Variants in GLDC observed in about 807,000 individuals in gnomAD.
GLDC encodes glycine dehydrogenase (decarboxylating), mitochondrial.
In GLDC, 104 loss-of-function variants were observed where a neutral mutation model predicts 121.3. The observed-to-expected ratio is 0.86, with a 90% CI of 0.73 to 1.01. The LOEUF is 1.01. Among genes scored for constraint, GLDC ranks in the 50% least tolerant of loss-of-function variants. GLDC has a pLI of 0.00. For missense variants in GLDC, 1,429 were observed against 1,306.6 expected (o/e 1.09, Z -1.44); for synonymous variants, 546 against 480.6 (o/e 1.14, Z -1.78).
At chr9:6,558,502 T>C (rs10975643) in intron 17 of GLDC, 57 bp downstream of exon 17, 49 of 1,595,806 alleles carry the variant, frequency 3.1e-5, no homozygotes, top group Non-Finnish European at 4.2e-5. Flanking sequence ...AAGTCCCTGA[T>C]CCCCACCAGC....
intron 2 of GLDC, among the ~76,000 whole-genome samples, chr9:6,631,191 A>G (rs533223119): frequency 6.6e-6 from 1 of 152,066 alleles, no homozygotes; most frequent in Non-Finnish European, 1.5e-5. Context: ...TTGCTCAGCC[A>G]ATTAATACCA....
At chr9:6,551,432 A>G (rs1049279841) in intron 20 of GLDC, among the ~76,000 whole-genome samples, 1 of 152,210 alleles carries the variant, frequency 6.6e-6, no homozygotes, top group Non-Finnish European at 1.5e-5. Context: ...CATAAGGGAT[A>G]CACATCATCA....
intron 23 of GLDC, 53 bp downstream of exon 23, chr9:6,536,011 C>T: frequency 1.4e-6 from 2 of 1,455,924 alleles, no homozygotes; most frequent in Non-Finnish European, 1.9e-6. Flanking sequence ...ACTGTCCAGA[C>T]ATCATTTTCT....
intron 17 of GLDC, 59 bp from the exon 18 acceptor site, chr9:6,556,361 A>G: frequency 7.2e-7 from 1 of 1,381,814 alleles, no homozygotes; most frequent in Middle Eastern, 1.8e-4. Context: ...TTTCTTGGCC[A>G]AATCCTCGCC....
chr9:6,606,552 G>A (rs558182780), intron 5 of GLDC, 40 bp downstream of exon 5: 2 of 1,108,852 alleles, frequency 1.8e-6, no homozygotes, highest in Non-Finnish European at 2.8e-6. Context: ...AGATGAACAT[G>A]ACATTATACT....
intron 4 of GLDC, among the ~76,000 whole-genome samples, chr9:6,608,139 C>A (rs1350594553): frequency 2.6e-5 from 4 of 151,810 alleles, no homozygotes; most frequent in Non-Finnish European, 5.9e-5. Context: ...GAGGGCCGGG[C>A]GGGGTGGTTC....
intron 4 of GLDC, among the ~76,000 whole-genome samples, chr9:6,607,772 C>G (rs1431108567): frequency 2.6e-5 from 4 of 151,798 alleles, no homozygotes; most frequent in African/African-American, 9.7e-5. Flanking sequence ...GCACCCCGCC[C>G]CTACATAGTT....
chr9:6,557,239 T>A (rs947749847), intron 17 of GLDC, among the ~76,000 whole-genome samples: 2 of 152,212 alleles, frequency 1.3e-5, no homozygotes, highest in Non-Finnish European at 2.9e-5. Context: ...TCTCTATACA[T>A]TTGATGTATA....
At chr9:6,625,518 C>T (rs1563867997) in intron 2 of GLDC, among the ~76,000 whole-genome samples, 1 of 152,156 alleles carries the variant, frequency 6.6e-6, no homozygotes, top group Non-Finnish European at 1.5e-5. Context: ...GTAATTCTTC[C>T]AGTGCAGGAC....
chr9:6,564,837 G>A (rs1030829673), intron 16 of GLDC, among the ~76,000 whole-genome samples: 1 of 152,250 alleles, frequency 6.6e-6, no homozygotes, highest in Admixed American at 6.5e-5. Flanking sequence ...AAACATTGAA[G>A]CAGGACCGTG....
chr9:6,614,171 A>G (rs775523957), intron 3 of GLDC, among the ~76,000 whole-genome samples: 5 of 152,146 alleles, frequency 3.3e-5, no homozygotes, highest in South Asian at 2.1e-4. Context: ...CTTAAACACT[A>G]CAGTGATTCA....
At chr9:6,610,477 A>G in intron 3 of GLDC, 121 bp from the exon 4 acceptor site, 1 of 856,886 alleles carries the variant, frequency 1.2e-6, no homozygotes, top group Admixed American at 2.0e-5. Flanking sequence ...GAATTACATA[A>G]CACACCAGTA....
At chr9:6,645,192 G>A (rs972588015) in intron 1 of GLDC, 53 bp downstream of exon 1, 4 of 1,509,044 alleles carry the variant, frequency 2.7e-6, no homozygotes, top group African/African-American at 2.8e-5. Flanking sequence ...CGCGCAGGCA[G>A]AGCCCGGGCA....
chr9:6,553,612 G>T, intron 19 of GLDC, 103 bp from the exon 20 acceptor site: 1 of 1,116,376 alleles, frequency 9.0e-7, no homozygotes, highest in Non-Finnish European at 1.4e-6. Context: ...TAGCAGAGGA[G>T]CTCTGACAGT....
intron 15 of GLDC, chr9:6,567,436 G>T (rs922038416): frequency 1.3e-5 from 2 of 152,186 alleles, no homozygotes; most frequent in African/African-American, 4.8e-5. Context: ...GATAGTAACA[G>T]TACCCATCAC....
At chr9:6,631,999 T>C (rs534839513) in intron 2 of GLDC, among the ~76,000 whole-genome samples, 2 of 151,014 alleles carry the variant, frequency 1.3e-5, no homozygotes, top group East Asian at 1.9e-4. Flanking sequence ...GCCCAGGAGG[T>C]TGAGGCTGCA....
At chr9:6,556,038 G>A (rs1817622562) in intron 18 of GLDC, 115 bp downstream of exon 18, 4 of 779,532 alleles carry the variant, frequency 5.1e-6, no homozygotes, top group South Asian at 4.7e-5. Flanking sequence ...CAGTGGTCAG[G>A]TCGTGGGTCT....
intron 2 of GLDC, among the ~76,000 whole-genome samples, chr9:6,641,088 AT>A (rs1249183158): frequency 2.0e-5 from 3 of 152,152 alleles, no homozygotes; most frequent in Non-Finnish European, 4.4e-5. Flanking sequence ...TGATCAAAGT[AT>A]TTTGTCAAGG....
At chr9:6,603,731 T>TC (rs1234589639) in intron 7 of GLDC, among the ~76,000 whole-genome samples, 2 of 143,886 alleles carry the variant, frequency 1.4e-5, no homozygotes, top group Admixed American at 6.7e-5. Flanking sequence ...TTTTTCCTTT[T>TC]TTTTCTTTTT....
Sources: allele counts gnomAD v4.1 joint callset (sites outside exome capture counted in the v4.1 genomes callset), GRCh38; gene constraint gnomAD v4.1.1; transcripts MANE v1.5; gene names NCBI Gene and HGNC (gene_info 2026-07-23, HGNC 2026-07-21).